MSRA: variants seen among roughly 807,000 people sequenced by gnomAD.
MSRA encodes methionine sulfoxide reductase A.
MSRA carries 54 observed loss-of-function variants against 31.3 expected under a neutral mutation model. The ratio of observed to expected loss-of-function variants is 1.73; its 90% CI spans 1.39 to 2.17. The LOEUF (loss-of-function observed/expected upper bound fraction) is 2.17. MSRA is among the 30% of genes most tolerant of loss of function. The probability of loss-of-function intolerance (pLI) is 0.00; values close to 1 mark genes in which losing one functional copy is unlikely to be tolerated. For synonymous variants in MSRA, 169 were observed against 116.5 expected (o/e 1.45, Z -2.90); for missense variants, 507 against 300.9 (o/e 1.69, Z -5.07).
At chr8:10,181,014 T>C (rs543426986) in intron 1 of MSRA, among the ~76,000 whole-genome samples, 1 of 152,274 alleles carries the variant, frequency 6.6e-6, no homozygotes, top group Non-Finnish European at 1.5e-5. Context: ...CTCTATCAAA[T>C]CCACCGTTAA....
At chr8:10,428,127 C>G (rs141797874) in intron 5 of MSRA, 21 bp from the exon 6 acceptor site, 33 of 1,604,590 alleles carry the variant, frequency 2.1e-5, no homozygotes, top group Non-Finnish European at 2.8e-5. Flanking sequence ...GAGCTGATGG[C>G]GCCTTTCTGT....
chr8:10,381,871 G>A (rs1404933804), intron 5 of MSRA, among the ~76,000 whole-genome samples: 1 of 152,196 alleles, frequency 6.6e-6, no homozygotes, highest in South Asian at 2.1e-4. Flanking sequence ...TGGGTGATCT[G>A]TTCCCTGCCC....
intron 3 of MSRA, among the ~76,000 whole-genome samples, chr8:10,267,163 C>T (rs948612232): frequency 5.9e-5 from 9 of 152,300 alleles, no homozygotes; most frequent in Admixed American, 2.0e-4. Context: ...CACCCGCTCC[C>T]GGTTGTAGTA....
chr8:10,296,777 G>A (rs1800567738), intron 3 of MSRA, among the ~76,000 whole-genome samples: 1 of 152,322 alleles, frequency 6.6e-6, no homozygotes, highest in East Asian at 1.9e-4. Flanking sequence ...GAGCTGTGGT[G>A]TGGACCTGCT....
intron 5 of MSRA, among the ~76,000 whole-genome samples, chr8:10,388,223 T>C (rs1247080805): frequency 2.6e-5 from 4 of 152,032 alleles, no homozygotes; most frequent in Non-Finnish European, 5.9e-5. Context: ...GGGGAGGCAA[T>C]TTATGGGAAG....
intron 1 of MSRA, among the ~76,000 whole-genome samples, chr8:10,142,099 C>T (rs1802767706): frequency 6.6e-6 from 1 of 152,196 alleles, no homozygotes; most frequent in South Asian, 2.1e-4. Context: ...GCTGGGATTA[C>T]AGGCCTTTGC....
At chr8:10,143,602 C>T (rs1336747490) in intron 1 of MSRA, among the ~76,000 whole-genome samples, 1 of 152,126 alleles carries the variant, frequency 6.6e-6, no homozygotes, top group East Asian at 1.9e-4. Context: ...CTGTCATTTT[C>T]CCCGTTACCA....
At chr8:10,353,874 A>T (rs1804350327) in intron 5 of MSRA, 1 of 214,468 alleles carries the variant, frequency 4.7e-6, no homozygotes, top group Non-Finnish European at 9.5e-6. Context: ...CATTTCAGAA[A>T]ATATGAAGAC....
intron 3 of MSRA, among the ~76,000 whole-genome samples, chr8:10,290,162 G>T (rs914410748): frequency 2.0e-5 from 3 of 152,146 alleles, no homozygotes; most frequent in Non-Finnish European, 4.4e-5. Context: ...TTACTTGCCC[G>T]TAGTAAATGC....
At chr8:10,409,285 CATT>C (rs1222228112) in intron 5 of MSRA, among the ~76,000 whole-genome samples, 1 of 152,190 alleles carries the variant, frequency 6.6e-6, no homozygotes, top group Non-Finnish European at 1.5e-5. Flanking sequence ...GATGATATCT[CATT>C]GTGCCTTTGA....
chr8:10,116,372 T>A (rs73191529), intron 1 of MSRA, among the ~76,000 whole-genome samples: 2,511 of 152,322 alleles, frequency 0.016, 27 homozygotes, highest in Non-Finnish European at 0.025. Context: ...CCCTGGACTA[T>A]AGTATTAATG....
intron 3 of MSRA, among the ~76,000 whole-genome samples, chr8:10,278,445 C>G (rs1012557837): frequency 2.8e-4 from 42 of 152,328 alleles, no homozygotes; most frequent in African/African-American, 9.9e-4. Flanking sequence ...GGTGGCTTTC[C>G]TCACGTGGCA....
intron 1 of MSRA, among the ~76,000 whole-genome samples, chr8:10,068,121 C>T (rs1212403532): frequency 3.3e-5 from 5 of 152,024 alleles, no homozygotes; most frequent in Non-Finnish European, 5.9e-5. Flanking sequence ...TGACCTCAAG[C>T]AGACTGCCCG....
chr8:10,059,817 C>G (rs1359982430), intron 1 of MSRA, among the ~76,000 whole-genome samples: 1 of 152,146 alleles, frequency 6.6e-6, no homozygotes, highest in African/African-American at 2.4e-5. Flanking sequence ...GCAAGGTAGA[C>G]GTTAGGTTAT....
At chr8:10,414,003 A>G (rs1808312586) in intron 5 of MSRA, among the ~76,000 whole-genome samples, 1 of 152,102 alleles carries the variant, frequency 6.6e-6, no homozygotes, top group African/African-American at 2.4e-5. Context: ...CATCTCTACA[A>G]AAAATAAAAT....
intron 3 of MSRA, among the ~76,000 whole-genome samples, chr8:10,264,938 C>G (rs758813449): frequency 2.0e-4 from 30 of 152,122 alleles, no homozygotes; most frequent in Admixed American, 6.6e-5. Flanking sequence ...TGAAACCCAT[C>G]TCTCAGTATG....
intron 2 of MSRA, among the ~76,000 whole-genome samples, chr8:10,244,056 C>G (rs1290558428): frequency 1.3e-5 from 2 of 152,114 alleles, no homozygotes; most frequent in African/African-American, 2.4e-5. Flanking sequence ...CAGTAAACTT[C>G]TAATTTATCT....
Position 10,296,404 on chromosome 8 carries a change from A to T in MSRA, c.332-5130A>T, listed in dbSNP as rs145974065. Among the ~76,000 whole-genome samples, 9 of 152,326 alleles carry T rather than the reference A, an allele frequency of 5.9e-5. No individual in the cohort carries two copies. In the East Asian group the frequency reaches 1.7e-3, roughly 29 times the overall value. ...GTATGGAGAGCCTTACGCTTCCCAA[A>T]TACTTTCCCACAGATGACCTCATTT... On this transcript the variant is annotated intron_variant, in intron 3 of 5. Coordinates refer to ENST00000317173, the MANE Select transcript of MSRA (RefSeq NM_012331.5).
intron 1 of MSRA, among the ~76,000 whole-genome samples, chr8:10,080,666 C>T (rs961491344): frequency 6.6e-6 from 1 of 151,176 alleles, no homozygotes; most frequent in Non-Finnish European, 1.5e-5. Flanking sequence ...GCTGGGACTG[C>T]AGGCATGCGT....
Sources: allele counts gnomAD v4.1 joint callset (sites outside exome capture counted in the v4.1 genomes callset), GRCh38; gene constraint gnomAD v4.1.1; transcripts MANE v1.5; gene names NCBI Gene and HGNC (gene_info 2026-07-23, HGNC 2026-07-21).